The following S100A7 variants were observed in gnomAD, a reference collection of about 807,000 sequenced individuals.
The protein encoded by S100A7 is protein S100-A7.
S100A7 carries 2 observed loss-of-function variants against 3.8 expected under a neutral mutation model. The ratio of observed to expected loss-of-function variants is 0.53; its 90% confidence interval spans 0.22 to 1.67. S100A7 has a LOEUF of 1.67. Ranked by LOEUF, S100A7 falls within the 40% of genes most tolerant of loss-of-function variation. The pLI, the probability that S100A7 is intolerant of heterozygous loss-of-function variation, is 0.20. For synonymous variants in S100A7, 55 were observed against 45.9 expected (o/e 1.20, Z -0.80); for missense variants, 130 against 126.3 (o/e 1.03, Z -0.14).
intron 2 of S100A7, 60 bp from the exon 3 acceptor site, chr1:153,458,030 G>C: frequency 6.3e-7 from 1 of 1,575,626 alleles, no homozygotes; most frequent in Non-Finnish European, 8.7e-7. Flanking sequence ...TTTGGGCTGG[G>C]AGGGAGAGGA....
At position 153,457,795 on chromosome 1, in the gene S100A7, G is replaced by A; in HGVS notation, c.*11C>T. The A allele has an allele frequency of 6.2e-7, 1 of 1,613,574 alleles. No homozygotes were observed. Among genetic ancestry groups the A allele is most frequent in the Non-Finnish European group, 8.5e-7 (1 of 1,179,672 alleles). On this transcript the variant is annotated 3_prime_UTR_variant, in exon 3 of 3. Transcript: ENST00000368723. ...TCCTGGGGTCTCTGGAGGCCCATTG[G>A]TGGGGCTGGGTCACTGGCTGCCCCC...
At chr1:153,458,017 A>T (rs1209802276) in intron 2 of S100A7, 47 bp from the exon 3 acceptor site, 1 of 1,600,380 alleles carries the variant, frequency 6.2e-7, no homozygotes, top group Non-Finnish European at 8.5e-7. Context: ...ATCACAAACA[A>T]GTTTTGGGCT....
chr1:153,459,526 A>G (rs1663773437), intron 1 of S100A7, among the ~76,000 whole-genome samples: 1 of 152,168 alleles, frequency 6.6e-6, no homozygotes, highest in Non-Finnish European at 1.5e-5. Context: ...CCTTGACTCA[A>G]GTGCAAGCCC....
At chr1:153,458,808 T>C (rs1490395857) in intron 2 of S100A7, 65 bp downstream of exon 2, 1 of 1,560,104 alleles carries the variant, frequency 6.4e-7, no homozygotes, top group African/African-American at 1.4e-5. Context: ...AGGGTGAGGG[T>C]GATCTGTCCA....
Position 153,458,056 on chromosome 1 carries a change from G to A in S100A7, c.142-86C>T, listed in dbSNP as rs576384979. 1.5e-4 allele frequency: 219 copies of A among 1,451,842 alleles called. No homozygotes were observed. The African/African-American group carries it at 2.1e-3, about 14-fold the overall frequency. The allele number at this position is 1,451,842 out of a possible 1,614,324, so 89.9% of individuals were successfully genotyped here. A position where few individuals can be genotyped will look rare whatever the true frequency, so the allele number is the denominator to read the frequency against. ...AGGGAGAGGAGGAGGCAGAGATACAGACAAGTACCTAGATCTGCACAGGCA... is the reference window on the plus strand; with the variant it reads ...AGGGAGAGGAGGAGGCAGAGATACAAACAAGTACCTAGATCTGCACAGGCA... On this transcript the variant is annotated intron_variant, in intron 2 of 2. Coordinates refer to ENST00000368723, the MANE Select transcript of S100A7 (RefSeq NM_002963.4).
intron 2 of S100A7, among the ~76,000 whole-genome samples, chr1:153,458,211 T>C (rs1239004859): frequency 6.6e-6 from 1 of 152,052 alleles, no homozygotes; most frequent in African/African-American, 2.4e-5. Context: ...TGTCCCAAGG[T>C]GCTCTGTTAA....
At chr1:153,458,060 A>G in intron 2 of S100A7, 90 bp from the exon 3 acceptor site, 1 of 1,431,340 alleles carries the variant, frequency 7.0e-7, no homozygotes, top group Non-Finnish European at 9.7e-7. Context: ...GATACAGACA[A>G]GTACCTAGAT....
chr1:153,458,782 G>A lies in S100A7; in HGVS notation c.141+91C>T, dbSNP rs1571203314. Reference sequence around the variant, plus strand: ...GTAATAAAGCCCTATTTGCAAATGGGAAATTTTTTAATCAGAGGGTGAGGG... The same window carrying A: ...GTAATAAAGCCCTATTTGCAAATGGAAAATTTTTTAATCAGAGGGTGAGGG... On this transcript the variant is annotated intron_variant, in intron 2 of 2. Coordinates refer to ENST00000368723, the MANE Select transcript of S100A7 (RefSeq NM_002963.4). 2.0e-6 allele frequency: 3 copies of A among 1,491,840 alleles called. No homozygotes were observed. In the East Asian group the frequency reaches 6.8e-5, roughly 34 times the overall value. 92.4% of individuals were successfully genotyped at this position (1,491,840 alleles called of 1,614,324 possible). A position where few individuals can be genotyped will look rare whatever the true frequency, so the allele number is the denominator to read the frequency against.
At chr1:153,458,197 G>A (rs143615349) in intron 2 of S100A7, among the ~76,000 whole-genome samples, 2 of 152,164 alleles carry the variant, frequency 1.3e-5, no homozygotes, top group African/African-American at 4.8e-5. Flanking sequence ...TGGGAGGCAG[G>A]TCCTGTCCCA....
At position 153,460,637 on chromosome 1, in the gene S100A7, A is replaced by T; in HGVS notation, c.-47T>A. The stretch of plus-strand genomic sequence containing the variant: ...GCTGGGAAGCGTCACGAGTAGAAGG[A>T]TGAGTGAGATGTGTGTGTTTGGACA... On this transcript the variant is annotated 5_prime_UTR_variant, in exon 1 of 3. Transcript: ENST00000368723. The T allele has an allele frequency of 8.3e-7, 1 of 1,204,914 alleles. No individual in the cohort carries two copies. The highest frequency in any genetic ancestry group is 1.2e-6 in the Non-Finnish European group (1 of 835,140). The allele number at this position is 1,204,914 out of a possible 1,614,324, so 74.6% of individuals were successfully genotyped here.
Position 153,457,750 on chromosome 1 carries a change from G to T in S100A7, c.*56C>A, listed in dbSNP as rs745500869. 7.0e-6 allele frequency: 11 copies of T among 1,570,902 alleles called. No individual in the cohort carries two copies. The highest frequency in any genetic ancestry group is 8.7e-6 in the Non-Finnish European group (10 of 1,155,076). On this transcript the variant is annotated 3_prime_UTR_variant, in exon 3 of 3. Transcript: ENST00000368723. ...GAAGAAAATAAGGCAAGTGTCTGGT[G>T]GGAGAAGACATTTTATTGTTCCTGG... is the stretch of plus-strand genomic sequence containing the variant.
chr1:153,458,830 C>T, intron 2 of S100A7, 43 bp downstream of exon 2: 1 of 1,608,246 alleles, frequency 6.2e-7, no homozygotes, highest in Non-Finnish European at 8.5e-7. Context: ...GGCCACATAG[C>T]AAAATGTATC....
intron 2 of S100A7, 44 bp downstream of exon 2, chr1:153,458,829 G>A (rs1021440353): frequency 3.5e-5 from 57 of 1,607,582 alleles, no homozygotes; most frequent in Non-Finnish European, 4.8e-5. Flanking sequence ...AGGCCACATA[G>A]CAAAATGTAT....
In S100A7 at chr1:153,458,951, G is replaced by A. The variant is rs1663753759; in HGVS notation, c.63C>T (p.Thr21=). Residue 21 remains threonine, a synonymous_variant, in exon 2 of 3, where the codon ACC becomes ACT. Coordinates refer to ENST00000368723, the MANE Select transcript of S100A7 (RefSeq NM_002963.4). The stretch of plus-strand genomic sequence containing the variant: ...GCTTCTCAATCTTGTCATCACGTCT[G>A]GTGTATTTGTGAAACATGTCGATCA... ...IGMIDMFHKY[T]RRDDKIEKPS... 3 of 1,613,862 alleles carry A rather than the reference G, an allele frequency of 1.9e-6. No homozygotes were observed. The highest frequency in any genetic ancestry group is 2.5e-6 in the Non-Finnish European group (3 of 1,179,944).
rs370414457 is a variant in S100A7 at position 153,457,943 on chromosome 1, C to T, written c.169G>A (p.Asp57Asn). The T allele has an allele frequency of 2.0e-5, 33 of 1,613,768 alleles. No homozygotes were observed. Among genetic ancestry groups the T allele is most frequent in the Middle Eastern group, 1.6e-4 (1 of 6,084 alleles). The change falls in exon 3 of 3, where the codon GAT (aspartate) becomes AAT (asparagine). Residue 57 changes from aspartate to asparagine, a missense_variant. Asp to Asn is a conservative substitution (Grantham distance 23). Transcript: ENST00000368723. ...CDKKGTNYLA[D>N]VFEKKDKNED... ...TTCTTGTCCTTTTTCTCAAAGACAT[C>T]GGCGAGGTAATTTGTGCCCTTTTTG...
rs766320580 is a variant in S100A7, at chr1:153,458,986, T to C, written c.28A>G (p.Ile10Val). The change falls in exon 2 of 3, where the codon ATA becomes GTA. Residue 10 changes from isoleucine (I) to valine (V), a missense_variant. By Grantham distance (29) the Ile-to-Val change is conservative. Transcript: ENST00000368723. ...TGAAACATGTCGATCATGCCTATTA[T>C]GGACCTCTCAGCTTGAGTGTTGCTC... MSNTQAERS[I>V]IGMIDMFHKY... 3.7e-6 allele frequency: 6 copies of C among 1,614,102 alleles called. No homozygotes were observed. The highest frequency in any genetic ancestry group is 1.1e-5 in the South Asian group (1 of 91,040).
Position 153,457,944 on chromosome 1 carries a change from G to A in S100A7, c.168C>T (p.Ala56=), listed in dbSNP as rs373686384. The A allele has an allele frequency of 3.1e-5, 50 of 1,613,940 alleles. No homozygotes were observed. Among genetic ancestry groups the A allele is most frequent in the Admixed American group, 8.3e-5 (5 of 59,996 alleles). ...ACDKKGTNYL[A]DVFEKKDKNE... ...TCTTGTCCTTTTTCTCAAAGACATC[G>A]GCGAGGTAATTTGTGCCCTTTTTGT... The change falls in exon 3 of 3, where the codon GCC becomes GCT. Residue 56 remains alanine, a synonymous_variant. Transcript: ENST00000368723.
intron 2 of S100A7, among the ~76,000 whole-genome samples, chr1:153,458,497 T>C (rs1557869153): frequency 2.0e-5 from 3 of 152,150 alleles, no homozygotes; most frequent in Non-Finnish European, 4.4e-5. Context: ...AAGAGGGCTA[T>C]TGATTTCTAC....
intron 1 of S100A7, 110 bp from the exon 2 acceptor site, chr1:153,459,140 G>A (rs1663760144): frequency 4.4e-6 from 6 of 1,355,706 alleles, no homozygotes; most frequent in Admixed American, 4.7e-5. Context: ...ATAAGGTGTA[G>A]CAGAACGAAC....
Sources: allele counts gnomAD v4.1 joint callset (sites outside exome capture counted in the v4.1 genomes callset), GRCh38; gene constraint gnomAD v4.1.1; transcripts MANE v1.5; gene names NCBI Gene and HGNC (gene_info 2026-07-23, HGNC 2026-07-21).